Variants in AP3B1 observed in about 807,000 individuals in gnomAD.
AP3B1 encodes the protein adaptor related protein complex 3 subunit beta 1, also known as AP-3 complex subunit beta-1.
Under a neutral mutation model 132.5 loss-of-function variants are expected in AP3B1, and 61 were observed. The ratio of observed to expected loss-of-function variants is 0.46; its 90% CI spans 0.37 to 0.57. The LOEUF (loss-of-function observed/expected upper bound fraction) is 0.57. Ranked by LOEUF, AP3B1 falls within the 20% of genes least tolerant of loss-of-function variation. The pLI is 0.00. For synonymous variants in AP3B1, 388 were observed against 438.3 expected (o/e 0.89, Z 1.43); for missense variants, 1,120 against 1,289.4 (o/e 0.87, Z 2.01).
intron 14 of AP3B1, among the ~76,000 whole-genome samples, chr5:78,144,271 T>A (rs1753287772): frequency 6.6e-6 from 1 of 152,238 alleles, no homozygotes; most frequent in Non-Finnish European, 1.5e-5. Context: ...TTAAATGCAC[T>A]TTTCAAACCT....
intron 22 of AP3B1, among the ~76,000 whole-genome samples, chr5:78,059,867 G>A (rs1235253826): frequency 6.6e-6 from 1 of 152,008 alleles, no homozygotes; most frequent in East Asian, 1.9e-4. Context: ...AATCTTTCTG[G>A]TAAAATACAC....
At chr5:78,284,321 ACTAT>A (rs1398514936) in intron 1 of AP3B1, among the ~76,000 whole-genome samples, 5 of 152,232 alleles carry the variant, frequency 3.3e-5, no homozygotes, top group Admixed American at 1.3e-4. Flanking sequence ...CATCAGTGCT[ACTAT>A]CTAACATCAT....
chr5:78,258,613 C>T (rs1253788469), intron 2 of AP3B1, among the ~76,000 whole-genome samples: 1 of 152,182 alleles, frequency 6.6e-6, no homozygotes, highest in Non-Finnish European at 1.5e-5. Flanking sequence ...AGTACAACCA[C>T]TATGGAAAAC....
intron 22 of AP3B1, chr5:78,042,284 C>CT (rs1223018938): frequency 6.6e-6 from 1 of 152,186 alleles, no homozygotes. Context: ...ACTCTGTCAT[C>CT]CAGGCTGGAG....
At chr5:78,106,419 C>T (rs1252425808) in intron 20 of AP3B1, among the ~76,000 whole-genome samples, 1 of 152,016 alleles carries the variant, frequency 6.6e-6, no homozygotes. Flanking sequence ...GATCATGCCA[C>T]TGCATTCCAG....
intron 7 of AP3B1, among the ~76,000 whole-genome samples, chr5:78,205,362 G>A (rs966400291): frequency 6.6e-6 from 1 of 151,624 alleles, no homozygotes. Flanking sequence ...TAAGCTGAAT[G>A]TATAAAAATA....
intron 11 of AP3B1, among the ~76,000 whole-genome samples, chr5:78,173,354 G>C (rs769825177): frequency 4.6e-5 from 7 of 152,036 alleles, no homozygotes; most frequent in Non-Finnish European, 2.9e-5. Flanking sequence ...ATTGACAGTG[G>C]GGTGTTAAAG....
At chr5:78,018,198 A>G (rs1448939646) in intron 25 of AP3B1, among the ~76,000 whole-genome samples, 2 of 151,976 alleles carry the variant, frequency 1.3e-5, no homozygotes, top group Non-Finnish European at 2.9e-5. Context: ...ATCATTAACT[A>G]ATTCTGCAAT....
intron 24 of AP3B1, among the ~76,000 whole-genome samples, chr5:78,031,338 AC>A (rs757161332): frequency 2.0e-5 from 3 of 152,168 alleles, no homozygotes; most frequent in Non-Finnish European, 2.9e-5. Context: ...TTTCCTCCCC[AC>A]CAGCAAACGT....
intron 1 of AP3B1, among the ~76,000 whole-genome samples, chr5:78,286,543 CCTGTGA>C (rs760994426): frequency 6.6e-6 from 1 of 152,164 alleles, no homozygotes; most frequent in Non-Finnish European, 1.5e-5. Flanking sequence ...ACTAAACCTG[CCTGTGA>C]CTCAATCTTG....
At chr5:78,082,804 G>T (rs1352228059) in intron 22 of AP3B1, among the ~76,000 whole-genome samples, 1 of 151,950 alleles carries the variant, frequency 6.6e-6, no homozygotes. Context: ...TGACATTTGG[G>T]GATTGCCTTG....
At position 78,124,498 on chromosome 5, in the gene AP3B1, C is replaced by A. The variant is rs139750511; in HGVS notation, c.1968+3532G>T. Among the ~76,000 whole-genome samples the A allele has an allele frequency of 6.5e-3, 993 of 152,184 alleles. 8 individuals are homozygous for A. Among genetic ancestry groups the A allele is most frequent in the African/African-American group, 0.023 (953 of 41,512 alleles). On this transcript the variant is annotated intron_variant, in intron 17 of 26. Coordinates refer to ENST00000255194, the MANE Select transcript of AP3B1 (RefSeq NM_003664.5). ...GCTGAGGCAGGAGGATGGCTTGAGC[C>A]CAGGAGTTTGAGGCTGCAGTGAGCT...
intron 25 of AP3B1, among the ~76,000 whole-genome samples, chr5:78,018,636 T>G (rs768332612): frequency 5.3e-5 from 8 of 151,258 alleles, no homozygotes; most frequent in Non-Finnish European, 1.2e-4. Flanking sequence ...TAAATCCACT[T>G]TATTCAAGGT....
chr5:78,193,847 C>A (rs1358636083), intron 7 of AP3B1, among the ~76,000 whole-genome samples: 1 of 148,588 alleles, frequency 6.7e-6, no homozygotes, highest in African/African-American at 2.5e-5. Context: ...TGCAAGCTCC[C>A]GGGTTCACGC....
chr5:78,188,495 A>G (rs1431506954), intron 7 of AP3B1, among the ~76,000 whole-genome samples: 3 of 152,216 alleles, frequency 2.0e-5, no homozygotes, highest in Non-Finnish European at 4.4e-5. Context: ...AACATCTCTG[A>G]TCATTAGAGA....
chr5:78,180,754 T>C (rs1479861585), intron 8 of AP3B1, among the ~76,000 whole-genome samples: 1 of 152,036 alleles, frequency 6.6e-6, no homozygotes, highest in Non-Finnish European at 1.5e-5. Flanking sequence ...TGAATATATG[T>C]ACACTTATGC....
chr5:78,290,065 T>C (rs1237699975), intron 1 of AP3B1, among the ~76,000 whole-genome samples: 2 of 152,154 alleles, frequency 1.3e-5, no homozygotes, highest in Non-Finnish European at 2.9e-5. Context: ...AGTTTAGAAA[T>C]CACTTTGAAG....
At chr5:78,264,928 A>G (rs1375847659) in intron 2 of AP3B1, among the ~76,000 whole-genome samples, 2 of 152,158 alleles carry the variant, frequency 1.3e-5, no homozygotes, top group East Asian at 3.9e-4. Flanking sequence ...GACCTGCACT[A>G]CCATGCAAAG....
intron 2 of AP3B1, among the ~76,000 whole-genome samples, chr5:78,260,208 C>T (rs776892470): frequency 2.0e-5 from 3 of 152,082 alleles, no homozygotes; most frequent in Non-Finnish European, 2.9e-5. Flanking sequence ...CCTGTTCCGA[C>T]AGGCAAGGAC....
Sources: gnomAD v4.1 joint callset for allele counts (sites outside exome capture counted in the v4.1 genomes callset) on GRCh38, gnomAD v4.1.1 for gene constraint, MANE v1.5 for transcripts, NCBI Gene and HGNC (gene_info 2026-07-23, HGNC 2026-07-21) for gene names.